HYCC1: variants seen among roughly 807,000 people sequenced by gnomAD.
HYCC1 encodes the protein hyccin PI4KA lipid kinase complex subunit 1, also known as hyccin.
the HYCC1 span, among the ~76,000 whole-genome samples, chr7:22,926,402 G>A: frequency 2.0e-5 from 3 of 151,956 alleles, no homozygotes; most frequent in South Asian, 6.2e-4. Flanking sequence ...TGGATAAAGA[G>A]TCAAGACCCA....
At chr7:22,978,152 T>C in the HYCC1 span, 46 of 891,442 alleles carry the variant, frequency 5.2e-5, no homozygotes, top group Middle Eastern at 5.4e-4. Context: ...GAATGGGCTA[T>C]GAGTCATTTG....
chr7:23,001,790 T>C, the HYCC1 span, among the ~76,000 whole-genome samples: 2 of 152,052 alleles, frequency 1.3e-5, no homozygotes, highest in Non-Finnish European at 2.9e-5. Context: ...TCCAAAAACA[T>C]GGGTGTGACT....
chr7:22,924,177 C>CAAAAAA, the HYCC1 span, among the ~76,000 whole-genome samples: 1 of 95,438 alleles, frequency 1.0e-5, no homozygotes, highest in Non-Finnish European at 2.0e-5. Context: ...GACTCTGTAT[C>CAAAAAA]AAAAAAAAAA....
chr7:22,977,578 T>C, the HYCC1 span, among the ~76,000 whole-genome samples: 2 of 152,190 alleles, frequency 1.3e-5, no homozygotes, highest in Non-Finnish European at 2.9e-5. Context: ...TTATTATTCA[T>C]CAACACCGGT....
the HYCC1 span, among the ~76,000 whole-genome samples, chr7:22,955,456 G>A: frequency 1.3e-5 from 2 of 151,514 alleles, no homozygotes; most frequent in Non-Finnish European, 3.0e-5. Context: ...TAAAAAAATC[G>A]AGATTCCACT....
the HYCC1 span, among the ~76,000 whole-genome samples, chr7:22,954,569 C>G: frequency 1.3e-5 from 2 of 151,098 alleles, no homozygotes; most frequent in Admixed American, 1.3e-4. Flanking sequence ...ATTTTAAATG[C>G]TGAAAAATGC....
chr7:22,923,009 T>C, the HYCC1 span, among the ~76,000 whole-genome samples: 3 of 152,298 alleles, frequency 2.0e-5, no homozygotes, highest in East Asian at 3.9e-4. Flanking sequence ...AGAACAACTA[T>C]GCAGAAGATC....
the HYCC1 span, among the ~76,000 whole-genome samples, chr7:22,902,043 A>G: frequency 6.6e-6 from 1 of 152,178 alleles, no homozygotes; most frequent in Non-Finnish European, 1.5e-5. Context: ...ACAAATCTCA[A>G]TAACTTCTAA....
the HYCC1 span, among the ~76,000 whole-genome samples, chr7:22,914,598 T>C: frequency 2.0e-5 from 3 of 152,098 alleles, no homozygotes; most frequent in Admixed American, 2.0e-4. Flanking sequence ...AATGGGCAAA[T>C]GGTCTGGGGT....
At chr7:22,984,188 T>C in the HYCC1 span, 1 of 614,356 alleles carries the variant, frequency 1.6e-6, no homozygotes, top group Non-Finnish European at 2.9e-6. Flanking sequence ...ATGAAGTTTC[T>C]TTTTGGGGTG....
the HYCC1 span, among the ~76,000 whole-genome samples, chr7:23,003,565 T>C: frequency 1.3e-5 from 2 of 152,204 alleles, no homozygotes; most frequent in African/African-American, 2.4e-5. Context: ...TATGGAAATA[T>C]GGTTTCCAAA....
the HYCC1 span, chr7:22,943,530 TA>T: frequency 6.6e-6 from 1 of 152,188 alleles, no homozygotes; most frequent in African/African-American, 2.4e-5. Flanking sequence ...GAGGTTCCAT[TA>T]CAGTGATAGA....
chr7:22,900,208 A>G, the HYCC1 span, among the ~76,000 whole-genome samples: 1 of 152,238 alleles, frequency 6.6e-6, no homozygotes, highest in African/African-American at 2.4e-5. Context: ...GGGAAATAAC[A>G]ACAACAAAAA....
chr7:22,947,045 C>G, the HYCC1 span: 1 of 1,550,286 alleles, frequency 6.5e-7, no homozygotes, highest in Non-Finnish European at 8.7e-7. Flanking sequence ...ATTTTTGCCT[C>G]CTGATCTCTG....
the HYCC1 span, among the ~76,000 whole-genome samples, chr7:22,948,225 A>G: frequency 6.6e-6 from 1 of 152,134 alleles, no homozygotes; most frequent in African/African-American, 2.4e-5. Flanking sequence ...AAAACAGCAT[A>G]TACTTTTTAA....
the HYCC1 span, among the ~76,000 whole-genome samples, chr7:22,986,113 C>T: frequency 1.1e-4 from 16 of 151,554 alleles, no homozygotes; most frequent in Non-Finnish European, 2.1e-4. Context: ...ACTAGCTGAC[C>T]GTCACGAGGT....
chr7:22,994,973 G>A, the HYCC1 span, among the ~76,000 whole-genome samples: 6 of 152,018 alleles, frequency 3.9e-5, no homozygotes, highest in African/African-American at 1.5e-4. Flanking sequence ...TGGGTCCTCT[G>A]GAATTTACAG....
the HYCC1 span, among the ~76,000 whole-genome samples, chr7:22,901,895 G>C: frequency 6.6e-6 from 1 of 152,050 alleles, no homozygotes; most frequent in East Asian, 1.9e-4. Flanking sequence ...TCAGGACATA[G>C]TAGATTTGAA....
chr7:22,902,222 T>G, the HYCC1 span, among the ~76,000 whole-genome samples: 1 of 152,114 alleles, frequency 6.6e-6, no homozygotes, highest in Non-Finnish European at 1.5e-5. Context: ...GAAATTATGT[T>G]AAACACAATG....
Sources: allele counts gnomAD v4.1 joint callset (sites outside exome capture counted in the v4.1 genomes callset), GRCh38; gene constraint gnomAD v4.1.1; transcripts MANE v1.5; gene names NCBI Gene and HGNC (gene_info 2026-07-23, HGNC 2026-07-21).